The following ANK2 variants were observed in gnomAD, a reference collection of about 807,000 sequenced individuals.
The protein encoded by ANK2 is ankyrin-2.
A neutral mutation model predicts 360.5 loss-of-function variants in ANK2; 83 were observed. The observed-to-expected ratio is 0.23, with a 90% CI of 0.19 to 0.28. The LOEUF (loss-of-function observed/expected upper bound fraction) is 0.28. Among genes scored for constraint, ANK2 ranks in the 10% least tolerant of loss-of-function variants. ANK2 has a pLI of 1.00. For synonymous variants in ANK2, 1,740 were observed against 1,759.5 expected (o/e 0.99, Z 0.28); for missense variants, 4,201 against 4,795.7 (o/e 0.88, Z 3.66).
the ANK2 span, among the ~76,000 whole-genome samples, chr4:112,732,003 C>T: frequency 6.6e-6 from 1 of 152,180 alleles, no homozygotes; most frequent in East Asian, 1.9e-4. Context: ...CAAGTACCAG[C>T]TCACAAGAGC....
At chr4:113,006,894 C>T (rs5029416) in intron 2 of ANK2, among the ~76,000 whole-genome samples, 85,885 of 151,912 alleles carry the variant, frequency 0.57, 25,909 homozygotes, top group Non-Finnish European at 0.69. Flanking sequence ...CCATTATGAA[C>T]CTGACTGACA....
chr4:113,363,227 C>G (rs1028292125), intron 39 of ANK2, 111 bp from the exon 40 acceptor site: 1 of 1,096,958 alleles, frequency 9.1e-7, no homozygotes, highest in African/African-American at 1.6e-5. Flanking sequence ...TTAAGGAACT[C>G]AAATACTCAC....
chr4:112,831,677 C>T (rs2059757806), intron 1 of ANK2, among the ~76,000 whole-genome samples: 1 of 152,208 alleles, frequency 6.6e-6, no homozygotes, highest in Non-Finnish European at 1.5e-5. Context: ...GGTCCTCTTT[C>T]ATGCTGTGGA....
intron 14 of ANK2, among the ~76,000 whole-genome samples, chr4:113,267,405 C>T (rs1372418542): frequency 1.3e-5 from 2 of 152,094 alleles, no homozygotes; most frequent in Admixed American, 1.3e-4. Context: ...AGTCTTTAAT[C>T]CATCTTGAGT....
chr4:113,208,716 T>A (rs756079562), intron 4 of ANK2, among the ~76,000 whole-genome samples: 8 of 151,982 alleles, frequency 5.3e-5, no homozygotes, highest in Non-Finnish European at 8.8e-5. Flanking sequence ...TCGCCCAGAC[T>A]GGCCTTGAAC....
At chr4:113,336,441 A>G in intron 30 of ANK2, 136 bp from the exon 31 acceptor site, 8 of 879,374 alleles carry the variant, frequency 9.1e-6, no homozygotes, top group South Asian at 5.5e-5. Context: ...TATGATTGCC[A>G]TATTTGAAGC....
At position 113,355,954 on chromosome 4, in the gene ANK2, A is replaced by T; in HGVS notation, c.7336A>T (p.Asn2446Tyr). The T allele has an allele frequency of 6.2e-7, 1 of 1,614,094 alleles. No homozygotes were observed. The highest frequency in any genetic ancestry group is 8.5e-7 in the Non-Finnish European group (1 of 1,179,976). The change falls in exon 38 of 46, where the codon AAC becomes TAC. Residue 2446 changes from asparagine to tyrosine, a missense_variant. Physicochemically the swap from Asn to Tyr is moderately radical, Grantham distance 143. Transcript: ENST00000357077. Reference sequence around the variant, plus strand: ...GGAAGCCAGCCCTGTGCTAGAAGATAACTCTTCACACAAAACCCCTGATTC... The same window carrying T: ...GGAAGCCAGCCCTGTGCTAGAAGATTACTCTTCACACAAAACCCCTGATTC... ...SLEASPVLED[N>Y]SSHKTPDSLE...
chr4:113,114,431 A>C (rs2094566486), intron 1 of ANK2, among the ~76,000 whole-genome samples: 1 of 152,188 alleles, frequency 6.6e-6, no homozygotes, highest in African/African-American at 2.4e-5. Flanking sequence ...ATGTCGGTCA[A>C]TCTAACATCT....
intron 1 of ANK2, among the ~76,000 whole-genome samples, chr4:112,853,292 C>T (rs901441822): frequency 6.6e-6 from 1 of 152,118 alleles, no homozygotes; most frequent in African/African-American, 2.4e-5. Flanking sequence ...TGGTCTCGAT[C>T]TCCTGACCTC....
chr4:113,155,280 A>C (rs1176311972), intron 1 of ANK2, among the ~76,000 whole-genome samples: 1 of 152,198 alleles, frequency 6.6e-6, no homozygotes, highest in African/African-American at 2.4e-5. Context: ...CAATCCACAT[A>C]TTCTATACAT....
At chr4:112,867,940 T>G (rs2071329907) in intron 1 of ANK2, among the ~76,000 whole-genome samples, 1 of 152,206 alleles carries the variant, frequency 6.6e-6, no homozygotes, top group Non-Finnish European at 1.5e-5. Context: ...TGCTGGGTCA[T>G]GTAGTAACTC....
chr4:113,175,084 T>C (rs1300754318), intron 2 of ANK2, among the ~76,000 whole-genome samples: 1 of 152,192 alleles, frequency 6.6e-6, no homozygotes, highest in African/African-American at 2.4e-5. Flanking sequence ...TTTTGTGCTA[T>C]TTTTGAGTAA....
intron 4 of ANK2, among the ~76,000 whole-genome samples, chr4:113,209,092 A>C (rs567111775): frequency 6.6e-6 from 1 of 151,958 alleles, no homozygotes; most frequent in Non-Finnish European, 1.5e-5. Context: ...ATACAAAACT[A>C]TAACAACTCA....
At chr4:112,707,276 A>G in the ANK2 span, among the ~76,000 whole-genome samples, 2 of 152,340 alleles carry the variant, frequency 1.3e-5, no homozygotes, top group Admixed American at 1.3e-4. Flanking sequence ...AAATTGATTG[A>G]TGCCTAACAA....
chr4:113,012,340 C>T (rs993612896), intron 2 of ANK2, among the ~76,000 whole-genome samples: 1 of 152,136 alleles, frequency 6.6e-6, no homozygotes, highest in Admixed American at 6.5e-5. Flanking sequence ...ATCTGACCTT[C>T]CCGATTAAAA....
intron 2 of ANK2, chr4:112,904,663 A>C: frequency 1.7e-6 from 1 of 588,728 alleles, no homozygotes; most frequent in South Asian, 2.3e-5. Context: ...TAATTATAAG[A>C]AATGTAATAT....
intron 1 of ANK2, among the ~76,000 whole-genome samples, chr4:112,856,383 T>G (rs762789044): frequency 6.6e-6 from 1 of 152,226 alleles, no homozygotes; most frequent in Non-Finnish European, 1.5e-5. Context: ...TAAGCTGTAC[T>G]TCTTCCTAAT....
chr4:113,263,292 G>A (rs2054107231), intron 13 of ANK2, among the ~76,000 whole-genome samples: 1 of 150,202 alleles, frequency 6.7e-6, no homozygotes, highest in South Asian at 2.1e-4. Context: ...TGTCCAGGGA[G>A]GAAAAATCTT....
At chr4:112,910,989 C>T (rs1169278713) in intron 2 of ANK2, among the ~76,000 whole-genome samples, 3 of 137,710 alleles carry the variant, frequency 2.2e-5, no homozygotes, top group Non-Finnish European at 4.6e-5. Flanking sequence ...GATGGAGTCT[C>T]GCTCTGTCGA....
Sources: gnomAD v4.1 joint callset for allele counts (sites outside exome capture counted in the v4.1 genomes callset) on GRCh38, gnomAD v4.1.1 for gene constraint, MANE v1.5 for transcripts, NCBI Gene and HGNC (gene_info 2026-07-23, HGNC 2026-07-21) for gene names.